AFF3: variants seen among roughly 807,000 people sequenced by gnomAD.
AFF3 encodes the protein AF4/FMR2 family member 3.
In AFF3, 32 loss-of-function variants were observed where a neutral mutation model predicts 129.7. The ratio of observed to expected loss-of-function variants is 0.25; its 90% CI spans 0.19 to 0.33. The LOEUF (loss-of-function observed/expected upper bound fraction) is 0.33, where lower values mean the gene tolerates loss of function less well. AFF3 is among the 10% of genes least tolerant of loss of function. The probability of loss-of-function intolerance (pLI) is 1.00; values close to 1 mark genes in which losing one functional copy is unlikely to be tolerated. For missense variants in AFF3, 1,373 were observed against 1,592.0 expected, an observed-to-expected ratio of 0.86 and a Z score of 2.34; for synonymous variants, 644 against 635.4, an observed-to-expected ratio of 1.01 and a Z score of -0.20.
intron 2 of AFF3, chr2:100,107,582 T>A: frequency 1.2e-6 from 1 of 860,096 alleles, no homozygotes. Flanking sequence ...CCCACATGGA[T>A]GCAAGCAACA....
chr2:99,946,587 C>A (rs1180667449), intron 7 of AFF3, among the ~76,000 whole-genome samples: 1 of 151,538 alleles, frequency 6.6e-6, no homozygotes, highest in East Asian at 1.9e-4. Context: ...TTTCCCCATA[C>A]CCCCAAACTC....
rs1679824713 is a variant in AFF3 at position 99,601,467 on chromosome 2, C to T, written c.1339G>A (p.Gly447Ser). ...ETESSSSESE[G>S]SKPPHFSSPE... is the part of the protein sequence containing the mutation. ...CTGGAGAAGTGGGGGGGCTTGCTGC[C>T]CTCACTCTCGCTGGAGCTGCTCTCG... The change falls in exon 14 of 25, where the codon GGC (glycine) becomes AGC (serine). Residue 447 changes from glycine to serine, a missense_variant. Coordinates refer to ENST00000672756, the MANE Select transcript of AFF3 (RefSeq NM_001386135.1). 6.2e-7 allele frequency: 1 copy of T among 1,609,250 alleles called. No individual in the cohort carries two copies. The highest frequency in any genetic ancestry group is 8.5e-7 in the Non-Finnish European group (1 of 1,177,698).
intron 10 of AFF3, among the ~76,000 whole-genome samples, chr2:99,737,456 A>G (rs1390989911): frequency 1.3e-5 from 2 of 149,734 alleles, no homozygotes; most frequent in Non-Finnish European, 3.0e-5. Context: ...TTTTTTTTGC[A>G]AGATACACAA....
intron 7 of AFF3, among the ~76,000 whole-genome samples, chr2:99,903,727 G>T (rs1694515194): frequency 6.6e-6 from 1 of 152,094 alleles, no homozygotes; most frequent in Non-Finnish European, 1.5e-5. Context: ...CAGGTCTGGG[G>T]TATCTTAATG....
At chr2:99,559,521 AT>A (rs748512207) in intron 21 of AFF3, among the ~76,000 whole-genome samples, 1 of 152,254 alleles carries the variant, frequency 6.6e-6, no homozygotes, top group African/African-American at 2.4e-5. Flanking sequence ...TTCCTATAAT[AT>A]TTTGTATACT....
intron 9 of AFF3, among the ~76,000 whole-genome samples, chr2:99,751,799 A>G (rs1681679323): frequency 6.6e-6 from 1 of 152,210 alleles, no homozygotes; most frequent in Non-Finnish European, 1.5e-5. Context: ...TTAAGCTTTA[A>G]AAAAGATATT....
In AFF3 at chr2:99,896,835, C is replaced by T. The variant is rs542891040; in HGVS notation, c.874-59311G>A. On this transcript the variant is annotated intron_variant, in intron 7 of 24. Coordinates refer to ENST00000672756, the MANE Select transcript of AFF3 (RefSeq NM_001386135.1). ...TATTTTTAGTAGAGACGGGGTTTCA[C>T]TGTGTTAGCCAGGATGGTCTCGATC... Among the ~76,000 whole-genome samples the T allele has an allele frequency of 1.4e-4, 21 of 151,758 alleles. No homozygotes were observed. The South Asian group carries it at 4.2e-3, about 30-fold the overall frequency.
At chr2:99,926,120 C>T (rs1019439822) in intron 7 of AFF3, among the ~76,000 whole-genome samples, 1 of 152,196 alleles carries the variant, frequency 6.6e-6, no homozygotes, top group African/African-American at 2.4e-5. Context: ...GTCATCAGTA[C>T]TCATGCAACT....
chr2:99,676,150 T>C (rs1687586246), intron 11 of AFF3, among the ~76,000 whole-genome samples: 1 of 152,014 alleles, frequency 6.6e-6, no homozygotes, highest in African/African-American at 2.4e-5. Context: ...CTCCAGGCCC[T>C]ACCCCAGCTG....
chr2:99,729,767 C>T (rs1455923419), intron 10 of AFF3, among the ~76,000 whole-genome samples: 3 of 151,378 alleles, frequency 2.0e-5, no homozygotes. Context: ...CCACCCCGCC[C>T]CCTGCCCGCC....
intron 8 of AFF3, among the ~76,000 whole-genome samples, chr2:99,783,792 A>G (rs1381104780): frequency 1.3e-5 from 2 of 152,220 alleles, no homozygotes; most frequent in Non-Finnish European, 1.5e-5. Flanking sequence ...CTTTTCTAAA[A>G]TATTTTATTC....
intron 3 of AFF3, 102 bp downstream of exon 3, chr2:100,105,402 C>T: frequency 7.7e-7 from 1 of 1,303,552 alleles, no homozygotes; most frequent in Non-Finnish European, 1.0e-6. Flanking sequence ...ACCTCTTCCA[C>T]CCGGACCTGC....
At chr2:99,710,676 T>C (rs1330515579) in intron 11 of AFF3, among the ~76,000 whole-genome samples, 1 of 152,180 alleles carries the variant, frequency 6.6e-6, no homozygotes, top group Non-Finnish European at 1.5e-5. Flanking sequence ...AAAAGGTGAG[T>C]GCCTGCCTGA....
chr2:99,609,920 G>C (rs915962921), intron 13 of AFF3, among the ~76,000 whole-genome samples: 3 of 152,140 alleles, frequency 2.0e-5, no homozygotes, highest in African/African-American at 7.2e-5. Flanking sequence ...CAAAAGAAGT[G>C]AAACAGCCAG....
At chr2:99,837,275 GCCT>G (rs1688948221) in intron 8 of AFF3, among the ~76,000 whole-genome samples, 199 bp downstream of exon 8, 1 of 152,126 alleles carries the variant, frequency 6.6e-6, no homozygotes, top group East Asian at 1.9e-4. Flanking sequence ...TGTCACCTCA[GCCT>G]GTGCAGAGGT....
intron 4 of AFF3, among the ~76,000 whole-genome samples, chr2:100,087,219 T>C: frequency 6.6e-6 from 1 of 152,232 alleles, no homozygotes; most frequent in Non-Finnish European, 1.5e-5. Flanking sequence ...TTATTTGGTC[T>C]ACTTGGCCCT....
At chr2:99,752,347 T>C (rs746886458) in intron 8 of AFF3, 46 bp from the exon 9 acceptor site, 14 of 1,532,782 alleles carry the variant, frequency 9.1e-6, no homozygotes, top group South Asian at 1.1e-5. Flanking sequence ...ACAGACAGTA[T>C]TTAAAATCAG....
chr2:99,554,883 C>T, intron 22 of AFF3, 151 bp from the exon 23 acceptor site: 1 of 815,538 alleles, frequency 1.2e-6, no homozygotes, highest in South Asian at 1.7e-5. Context: ...GGGAAGTCTC[C>T]ATCACAGTTC....
intron 4 of AFF3, among the ~76,000 whole-genome samples, chr2:100,009,934 G>A (rs1682359626): frequency 6.6e-6 from 1 of 152,190 alleles, no homozygotes; most frequent in African/African-American, 2.4e-5. Flanking sequence ...AAGCAGGTGG[G>A]TTCAGTGACC....
Sources: allele counts gnomAD v4.1 joint callset (sites outside exome capture counted in the v4.1 genomes callset), GRCh38; gene constraint gnomAD v4.1.1; transcripts MANE v1.5; gene names NCBI Gene and HGNC (gene_info 2026-07-23, HGNC 2026-07-21).